UNC13C: variants seen among roughly 807,000 people sequenced by gnomAD.
The protein encoded by UNC13C is protein unc-13 homolog C.
In UNC13C, 174 loss-of-function variants were observed where a neutral mutation model predicts 245.4. That is an observed-to-expected ratio of 0.71 (90% CI 0.63 to 0.80). The LOEUF is 0.80. Among genes scored for constraint, UNC13C ranks in the 30% least tolerant of loss-of-function variants. The pLI is 0.00. For missense variants in UNC13C, 2,829 were observed against 2,602.9 expected, an observed-to-expected ratio of 1.09 and a Z score of -1.89; for synonymous variants, 992 against 895.1, an observed-to-expected ratio of 1.11 and a Z score of -1.93.
the UNC13C span, among the ~76,000 whole-genome samples, chr15:53,843,387 A>G: frequency 0.017 from 2,583 of 152,156 alleles, 33 homozygotes; most frequent in South Asian, 0.048. Context: ...GCTTGAGCCC[A>G]GGAGGCAGAA....
intron 30 of UNC13C, among the ~76,000 whole-genome samples, chr15:54,582,968 C>T (rs1210574768): frequency 6.6e-6 from 1 of 152,102 alleles, no homozygotes; most frequent in Admixed American, 6.5e-5. Context: ...TTCTCTAATG[C>T]AGTTCAGCAT....
At chr15:54,290,473 C>T (rs1374472468) in intron 10 of UNC13C, among the ~76,000 whole-genome samples, 1 of 152,006 alleles carries the variant, frequency 6.6e-6, no homozygotes, top group East Asian at 1.9e-4. Context: ...ATTGCAAGTA[C>T]ACTTATACAA....
chr15:54,192,750 C>T (rs1185714418), intron 4 of UNC13C, among the ~76,000 whole-genome samples: 10 of 152,118 alleles, frequency 6.6e-5, no homozygotes, highest in Non-Finnish European at 7.4e-5. Context: ...TAGCACTACT[C>T]GGCTTCCCAC....
intron 2 of UNC13C, among the ~76,000 whole-genome samples, chr15:54,035,657 C>G (rs1289915452): frequency 6.6e-6 from 1 of 152,076 alleles, no homozygotes; most frequent in Non-Finnish European, 1.5e-5. Flanking sequence ...ATGCCTGTGT[C>G]CCAGCACCAT....
intron 17 of UNC13C, among the ~76,000 whole-genome samples, chr15:54,376,617 C>T (rs763912738): frequency 2.0e-4 from 30 of 152,162 alleles, no homozygotes; most frequent in African/African-American, 5.8e-4. Flanking sequence ...GAGAAAGACT[C>T]GAAGGTAGTT....
In UNC13C at chr15:54,286,036, C is replaced by G. The variant is rs1283303524; in HGVS notation, c.3819-7859C>G. 2.0e-5 allele frequency among the ~76,000 whole-genome samples: 3 copies of G among 152,072 alleles called. No individual in the cohort carries two copies. In the South Asian group the frequency reaches 6.2e-4, roughly 32 times the overall value. ...GGAGTTGCAGGTGTCTGCCACCATG[C>G]CAGGCTAATTTGTTTTGTATTCTAA... On this transcript the variant is annotated intron_variant, in intron 10 of 32. Coordinates refer to ENST00000260323, the MANE Select transcript of UNC13C (RefSeq NM_001080534.3).
At chr15:54,351,182 AGT>A in intron 17 of UNC13C, among the ~76,000 whole-genome samples, 1 of 152,220 alleles carries the variant, frequency 6.6e-6, no homozygotes, top group South Asian at 2.1e-4. Flanking sequence ...GTTTGACTCT[AGT>A]ATTTCCCAAA....
chr15:54,116,656 G>A (rs768994720), intron 2 of UNC13C, among the ~76,000 whole-genome samples: 1 of 151,940 alleles, frequency 6.6e-6, no homozygotes, highest in African/African-American at 2.4e-5. Context: ...TATATGCCAC[G>A]TTGTCTCTAT....
chr15:54,182,088 G>C (rs192778852), intron 4 of UNC13C, among the ~76,000 whole-genome samples: 4 of 152,144 alleles, frequency 2.6e-5, no homozygotes, highest in Non-Finnish European at 5.9e-5. Context: ...GGAGTGGTTA[G>C]AGTGAGCATC....
chr15:54,245,515 C>T (rs2035968293), intron 7 of UNC13C, among the ~76,000 whole-genome samples: 1 of 152,114 alleles, frequency 6.6e-6, no homozygotes. Flanking sequence ...AAAAAATCAC[C>T]TGAATAATTT....
At chr15:54,506,949 A>G (rs1894500265) in intron 22 of UNC13C, among the ~76,000 whole-genome samples, 168 bp from the exon 23 acceptor site, 1 of 152,148 alleles carries the variant, frequency 6.6e-6, no homozygotes, top group South Asian at 2.1e-4. Flanking sequence ...TTGCATAATT[A>G]ATGAAAACAG....
chr15:53,870,571 A>G, the UNC13C span, among the ~76,000 whole-genome samples: 2 of 152,028 alleles, frequency 1.3e-5, no homozygotes, highest in African/African-American at 4.8e-5. Context: ...GGATATAAGA[A>G]AAATGCACTT....
rs971336118 is a variant in UNC13C, at chr15:54,356,875, A to G, written c.4713+18386A>G. Among the ~76,000 whole-genome samples, 3 of 152,134 alleles carry G rather than the reference A, an allele frequency of 2.0e-5. No homozygotes were observed. In the East Asian group the frequency reaches 5.8e-4, roughly 29 times the overall value. ...TATCTAAATATTGATAAGTTTAAAC[A>G]TATTTGTATATTAAAAAGGCACTTC... On this transcript the variant is annotated intron_variant, in intron 17 of 32. Coordinates refer to ENST00000260323, the MANE Select transcript of UNC13C (RefSeq NM_001080534.3).
chr15:53,888,772 A>G, the UNC13C span, among the ~76,000 whole-genome samples: 3 of 152,180 alleles, frequency 2.0e-5, no homozygotes, highest in Non-Finnish European at 2.9e-5. Context: ...ATGTATGGCT[A>G]GCCAGTTTTC....
chr15:54,261,310 A>T (rs1317348178), intron 8 of UNC13C, among the ~76,000 whole-genome samples: 1 of 152,210 alleles, frequency 6.6e-6, no homozygotes, highest in Admixed American at 6.5e-5. Context: ...AATAACCCAA[A>T]GGGCTGGAAA....
intron 17 of UNC13C, among the ~76,000 whole-genome samples, chr15:54,376,041 A>G (rs1469950978): frequency 6.6e-6 from 1 of 152,306 alleles, no homozygotes; most frequent in East Asian, 1.9e-4. Flanking sequence ...TATTAGAGTC[A>G]GAGACTGTAT....
At chr15:54,321,825 T>G in intron 13 of UNC13C, 114 bp from the exon 14 acceptor site, 1 of 1,091,028 alleles carries the variant, frequency 9.2e-7, no homozygotes, top group East Asian at 2.7e-5. Context: ...TGTGCAGTTT[T>G]CTCTCCTTTT....
chr15:54,130,642 G>T (rs2031358687), intron 2 of UNC13C, among the ~76,000 whole-genome samples: 1 of 152,050 alleles, frequency 6.6e-6, no homozygotes, highest in South Asian at 2.1e-4. Context: ...ATATATTTCT[G>T]TTTGGTATGA....
chr15:54,236,468 T>C, intron 6 of UNC13C, 33 bp downstream of exon 6: 5 of 1,580,070 alleles, frequency 3.2e-6, no homozygotes, highest in Non-Finnish European at 3.4e-6. Flanking sequence ...AATTAATATT[T>C]TGCAGTCTTC....
Sources: gnomAD v4.1 joint callset for allele counts (sites outside exome capture counted in the v4.1 genomes callset) on GRCh38, gnomAD v4.1.1 for gene constraint, MANE v1.5 for transcripts, NCBI Gene and HGNC (gene_info 2026-07-23, HGNC 2026-07-21) for gene names.